WDR35: variants seen among roughly 807,000 people sequenced by gnomAD.
WDR35 encodes WD repeat domain 35.
Under a neutral mutation model 158.3 loss-of-function variants are expected in WDR35, and 118 were observed. The observed-to-expected ratio is 0.75, with a 90% CI of 0.64 to 0.87. WDR35 has a LOEUF of 0.87. Among genes scored for constraint, WDR35 ranks in the 40% least tolerant of loss-of-function variants. The pLI is 0.00. For synonymous variants in WDR35, 448 were observed against 476.1 expected, an observed-to-expected ratio of 0.94 and a Z score of 0.77; for missense variants, 1,263 against 1,405.8, an observed-to-expected ratio of 0.90 and a Z score of 1.62.
intron 8 of WDR35, among the ~76,000 whole-genome samples, chr2:19,970,161 G>C (rs1671992415): frequency 6.6e-6 from 1 of 152,084 alleles, no homozygotes; most frequent in African/African-American, 2.4e-5. Flanking sequence ...ACTGAAACAT[G>C]AATTTTTATG....
chr2:19,977,971 T>C (rs902732742), intron 5 of WDR35, among the ~76,000 whole-genome samples: 1 of 152,206 alleles, frequency 6.6e-6, no homozygotes, highest in African/African-American at 2.4e-5. Flanking sequence ...CCAGGAAGCC[T>C]TTCCTGATCC....
At chr2:19,965,228 A>C (rs535541840) in intron 10 of WDR35, among the ~76,000 whole-genome samples, 1 of 152,240 alleles carries the variant, frequency 6.6e-6, no homozygotes, top group Non-Finnish European at 1.5e-5. Context: ...CAGCCCCAAA[A>C]TAATGTTTTT....
chr2:19,923,177 A>G (rs764514915), intron 25 of WDR35, among the ~76,000 whole-genome samples: 60 of 152,256 alleles, frequency 3.9e-4, no homozygotes, highest in Non-Finnish European at 7.5e-4. Flanking sequence ...TTCCCACTTC[A>G]CACCTCTATA....
intron 25 of WDR35, among the ~76,000 whole-genome samples, chr2:19,917,743 T>C (rs1375263247): frequency 6.6e-6 from 1 of 152,150 alleles, no homozygotes; most frequent in East Asian, 1.9e-4. Flanking sequence ...TATGGGACTA[T>C]GTGAAAAGGC....
chr2:19,973,840 G>T, intron 7 of WDR35, 132 bp from the exon 8 acceptor site: 1 of 1,272,248 alleles, frequency 7.9e-7, no homozygotes, highest in Non-Finnish European at 1.1e-6. Flanking sequence ...GGGTACAACG[G>T]CTCACGCCTA....
intron 23 of WDR35, among the ~76,000 whole-genome samples, chr2:19,931,878 G>A (rs976354148): frequency 3.3e-5 from 5 of 152,068 alleles, no homozygotes; most frequent in African/African-American, 1.2e-4. Context: ...GGTAAAATGT[G>A]TATACATTAA....
At chr2:19,931,946 C>T (rs1312063102) in intron 23 of WDR35, among the ~76,000 whole-genome samples, 1 of 152,020 alleles carries the variant, frequency 6.6e-6, no homozygotes, top group Non-Finnish European at 1.5e-5. Flanking sequence ...ATATTTAAAA[C>T]TTGTACATTT....
Position 19,969,598 on chromosome 2 carries a change from C to T in WDR35, c.890G>A (p.Gly297Asp), listed in dbSNP as rs2103448580. ...QFYTPFGEHL[G>D]TLKVPGKEIS... is the part of the protein sequence containing the mutation. ...TTCCTTTCCAGGAACTTTCAAAGTA[C>T]CCAGATGCTGAAAAAGAAAGTTATC... Residue 297 changes from glycine (G) to aspartate (D), a missense_variant, in exon 9 of 27, where the codon GGT becomes GAT. Coordinates refer to ENST00000281405, the MANE Select transcript of WDR35 (RefSeq NM_020779.4). 6.2e-7 allele frequency: 1 copy of T among 1,613,518 alleles called. No individual in the cohort carries two copies. Among genetic ancestry groups the T allele is most frequent in the East Asian group, 2.2e-5 (1 of 44,802 alleles).
At chr2:19,951,592 T>C (rs1671237733) in intron 12 of WDR35, 108 bp from the exon 13 acceptor site, 4 of 858,700 alleles carry the variant, frequency 4.7e-6, no homozygotes, top group Non-Finnish European at 7.2e-6. Flanking sequence ...TTATTTAATA[T>C]AAAAATTCTG....
Position 19,930,948 on chromosome 2 carries a change from A to G in WDR35, c.2964+321T>C, listed in dbSNP as rs571459532. ...ATCAGACATTCATTTACGCATTACA[A>G]CAATATATCTAGGAAAGTTTTAAAA... On this transcript the variant is annotated intron_variant, in intron 24 of 26. Coordinates refer to ENST00000281405, the MANE Select transcript of WDR35 (RefSeq NM_020779.4). Among the ~76,000 whole-genome samples, 11 of 152,344 alleles carry G rather than the reference A, an allele frequency of 7.2e-5. No individual in the cohort carries two copies. In the East Asian group the frequency reaches 2.1e-3, roughly 29 times the overall value.
rs147206032 is a variant in WDR35, at chr2:19,937,748, G to A, written c.2262C>T (p.Asp754=). The change falls in exon 19 of 27, where the codon GAC becomes GAT. Residue 754 remains aspartate (D), a synonymous_variant. Transcript: ENST00000281405. ...CCTGCGCCTTCATAACTTACCTTCTGTCCATCTCGAGATACGTTCTTTCAG... is the reference window on the plus strand; with the variant it reads ...CCTGCGCCTTCATAACTTACCTTCTATCCATCTCGAGATACGTTCTTTCAG... ...EEAERTYLEM[D]RRDLAIGLRL... is the part of the protein sequence containing the mutation. 757 of 1,614,068 alleles carry A rather than the reference G, an allele frequency of 4.7e-4. 2 individuals are homozygous for A. The African/African-American group carries it at 8.9e-3, about 19-fold the overall frequency.
chr2:19,933,598 G>A (rs1428496786), intron 21 of WDR35, 87 bp from the exon 22 acceptor site: 25 of 1,171,820 alleles, frequency 2.1e-5, no homozygotes, highest in Non-Finnish European at 3.1e-5. Flanking sequence ...AGGGACGTAT[G>A]AGTATTAAAT....
chr2:19,989,975 C>T lies in WDR35; in HGVS notation c.24+17G>A, dbSNP rs1352770406. On this transcript the variant is annotated intron_variant, in intron 1 of 26. Transcript: ENST00000281405. ...CGGGAATGGCGGAGAAACGAGGACG[C>T]CCCCCAGGAAACTCACTTTCTTGCT... 4.3e-6 allele frequency: 7 copies of T among 1,613,480 alleles called. No homozygotes were observed. The South Asian group carries it at 7.7e-5, about 18-fold the overall frequency.
At chr2:19,957,192 A>G (rs962286511) in intron 11 of WDR35, among the ~76,000 whole-genome samples, 1 of 152,230 alleles carries the variant, frequency 6.6e-6, no homozygotes, top group Non-Finnish European at 1.5e-5. Flanking sequence ...AGTATTAGTT[A>G]GACATGGTTG....
intron 8 of WDR35, 76 bp downstream of exon 8, chr2:19,973,487 C>T: frequency 1.3e-6 from 2 of 1,592,050 alleles, no homozygotes; most frequent in Non-Finnish European, 1.7e-6. Context: ...ACACCGTTTC[C>T]TTTGTTATTT....
chr2:19,933,640 A>G (rs1670596844), intron 21 of WDR35, 129 bp from the exon 22 acceptor site: 1 of 764,674 alleles, frequency 1.3e-6, no homozygotes, highest in Non-Finnish European at 2.2e-6. Flanking sequence ...TCTTGTAAAC[A>G]GACGCAAGGG....
intron 25 of WDR35, among the ~76,000 whole-genome samples, chr2:19,918,514 C>A (rs1035404072): frequency 6.6e-6 from 1 of 152,016 alleles, no homozygotes; most frequent in Non-Finnish European, 1.5e-5. Context: ...CAAAGACATA[C>A]ATAGGCTCAA....
rs74694310 is a variant in WDR35, at chr2:19,953,138, C to T, written c.1400+696G>A. ...TTAAAACATTCAACAAAATGCTTTACTTACAGGCTTAGAGTAACAACAGAA... is the reference window on the plus strand; with the variant it reads ...TTAAAACATTCAACAAAATGCTTTATTTACAGGCTTAGAGTAACAACAGAA... On this transcript the variant is annotated intron_variant, in intron 12 of 26. Transcript: ENST00000281405. 4.0e-3 allele frequency among the ~76,000 whole-genome samples: 609 copies of T among 152,312 alleles called. 5 individuals are homozygous for T. The highest frequency in any genetic ancestry group is 0.014 in the African/African-American group (591 of 41,562).
rs567152521 is a variant in WDR35 at position 19,933,333 on chromosome 2, T to C, written c.2658+68A>G. The C allele has an allele frequency of 2.6e-5, 34 of 1,325,444 alleles. No individual in the cohort carries two copies. The African/African-American group carries it at 4.2e-4, about 16-fold the overall frequency. The allele number at this position is 1,325,444 out of a possible 1,614,324, so 82.1% of individuals were successfully genotyped here. On this transcript the variant is annotated intron_variant, in intron 22 of 26. Transcript: ENST00000281405. ...TCTTTAAAAGATCACTAGGGTGACTTTAACCTTGCTTTGACTTAAAAATTC... is the reference window on the plus strand; with the variant it reads ...TCTTTAAAAGATCACTAGGGTGACTCTAACCTTGCTTTGACTTAAAAATTC...
Sources: gnomAD v4.1 joint callset for allele counts (sites outside exome capture counted in the v4.1 genomes callset) on GRCh38, gnomAD v4.1.1 for gene constraint, MANE v1.5 for transcripts, NCBI Gene and HGNC (gene_info 2026-07-23, HGNC 2026-07-21) for gene names.